Variants in TIAM2 observed in about 807,000 individuals in gnomAD.
TIAM2 encodes the protein rho guanine nucleotide exchange factor TIAM2.
Under a neutral mutation model 152.9 loss-of-function variants are expected in TIAM2, and 80 were observed. The observed-to-expected ratio is 0.52, with a 90% CI of 0.44 to 0.63. The LOEUF (loss-of-function observed/expected upper bound fraction) is 0.63, where lower values mean the gene tolerates loss of function less well. TIAM2 is among the 30% of genes least tolerant of loss of function. TIAM2 has a pLI of 0.00. For missense variants in TIAM2, 1,965 were observed against 2,120.1 expected (o/e 0.93, Z 1.44); for synonymous variants, 804 against 838.0 (o/e 0.96, Z 0.70).
At position 155,148,301 on chromosome 6, in the gene TIAM2, C is replaced by T. The variant is rs943917012; in HGVS notation, c.1995C>T (p.Ser665=). 2.5e-6 allele frequency: 4 copies of T among 1,612,090 alleles called. No individual in the cohort carries two copies. The highest frequency in any genetic ancestry group is 2.5e-6 in the Non-Finnish European group (3 of 1,179,944). ...KMAELQLSVV[S]DPKNRKAIEN... ...CAGAGCTGCAGCTGTCCGTGGTGAG[C>T]GACCCAAAGAACAGGAAAGCCATAG... Residue 665 remains serine (S), a synonymous_variant, in exon 7 of 27, where the codon AGC becomes AGT. Coordinates refer to ENST00000682666, the MANE Select transcript of TIAM2 (RefSeq NM_012454.4).
intron 14 of TIAM2, among the ~76,000 whole-genome samples, chr6:155,192,251 G>C (rs964788007): frequency 6.6e-6 from 1 of 152,120 alleles, no homozygotes; most frequent in African/African-American, 2.4e-5. Flanking sequence ...TTTCAGAACT[G>C]TAAGGTAATA....
rs771547892 is a variant in TIAM2, at chr6:155,129,696, G to T, written c.473G>T (p.Ser158Ile). 8.1e-6 allele frequency: 13 copies of T among 1,613,952 alleles called. No homozygotes were observed. In the Admixed American group the frequency reaches 8.3e-5, roughly 10 times the overall value. ...ASTPPGEDRKSPRVLIKTLGK... is the reference protein window; with the variant it reads ...ASTPPGEDRKIPRVLIKTLGK... ...ACCCCACCGGGCGAAGACCGCAAGA[G>T]CCCCCGAGTGCTCATCAAAACGCTG... Residue 158 changes from serine to isoleucine, a missense_variant, in exon 4 of 27, where the codon AGC becomes ATC. By Grantham distance (142) the Ser-to-Ile change is moderately radical (BLOSUM62 -2). Transcript: ENST00000682666. This position sits in a 1 kb window ranked among gnomAD's most constrained non-coding sequence, Gnocchi z 4.8.
In TIAM2 at chr6:155,040,715, C is replaced by T. The variant is rs1583164168; in HGVS notation, c.-209+45223C>T. Among the ~76,000 whole-genome samples the T allele has an allele frequency of 2.6e-5, 4 of 152,096 alleles. No homozygotes were observed. In the East Asian group the frequency reaches 7.7e-4, roughly 29 times the overall value. On this transcript the variant is annotated intron_variant, in intron 1 of 26. Coordinates refer to ENST00000682666, the MANE Select transcript of TIAM2 (RefSeq NM_012454.4). ...TGTATTTTCAGTAGAGATGGGGTTT[C>T]ACCGTGTTGGCCAGGCTGGTCTCAA... is the stretch of plus-strand genomic sequence containing the variant.
Position 155,222,975 on chromosome 6 carries a change from G to A in TIAM2, c.3168+11668G>A, listed in dbSNP as rs143948202. 2.4e-3 allele frequency among the ~76,000 whole-genome samples: 370 copies of A among 152,302 alleles called. 1 individual carries two copies. The highest frequency in any genetic ancestry group is 8.5e-3 in the African/African-American group (353 of 41,566). The stretch of plus-strand genomic sequence containing the variant: ...GGAGGCTTCTCAGGTAATGGTATGC[G>A]AAGGTCAGGATGGTTAGATACCGTA... On this transcript the variant is annotated intron_variant, in intron 15 of 26. Coordinates refer to ENST00000682666, the MANE Select transcript of TIAM2 (RefSeq NM_012454.4).
At chr6:155,197,389 T>C (rs1025658528) in intron 14 of TIAM2, among the ~76,000 whole-genome samples, 4 of 152,184 alleles carry the variant, frequency 2.6e-5, no homozygotes, top group Non-Finnish European at 5.9e-5. Context: ...TCATTATTAT[T>C]TTATACAAAT....
Position 155,156,484 on chromosome 6 carries a change from G to A in TIAM2, c.2029-7931G>A, listed in dbSNP as rs991857080. Among the ~76,000 whole-genome samples the A allele has an allele frequency of 2.6e-5, 4 of 151,866 alleles. No homozygotes were observed. The highest frequency in any genetic ancestry group is 6.6e-5 in the Admixed American group (1 of 15,226). The stretch of plus-strand genomic sequence containing the variant: ...AGCCTGGCCAATGTGGTGAAACCCC[G>A]TCTCTACTAAAAATACAAAAATAAT... On this transcript the variant is annotated intron_variant, in intron 7 of 26. Coordinates refer to ENST00000682666, the MANE Select transcript of TIAM2 (RefSeq NM_012454.4). This position sits in a 1 kb window ranked among gnomAD's most constrained non-coding sequence, Gnocchi z 4.4.
At chr6:155,062,845 G>A (rs1295451041) in intron 1 of TIAM2, among the ~76,000 whole-genome samples, 2 of 152,130 alleles carry the variant, frequency 1.3e-5, no homozygotes, top group Admixed American at 6.5e-5. Flanking sequence ...AAAGTGCTGG[G>A]ATTACAGGCG....
intron 1 of TIAM2, chr6:155,016,301 A>G (rs1778579338): frequency 6.6e-6 from 1 of 152,226 alleles, no homozygotes; most frequent in African/African-American, 2.4e-5. Flanking sequence ...ATAAGATGTC[A>G]CACGTCCATG....
At chr6:155,068,469 T>G (rs183558465) in intron 1 of TIAM2, among the ~76,000 whole-genome samples, 1 of 152,044 alleles carries the variant, frequency 6.6e-6, no homozygotes, top group African/African-American at 2.4e-5. Flanking sequence ...TAGAGTCTCC[T>G]CTGTTGCCCA....
chr6:155,029,380 CTATGTT>C lies in TIAM2; in HGVS notation c.-209+33889_-209+33894del, dbSNP rs1776743174. Among the ~76,000 whole-genome samples, 2 of 61,118 alleles carry C rather than the reference CTATGTT, an allele frequency of 3.3e-5. 1 individual carries two copies. Among genetic ancestry groups the C allele is most frequent in the Admixed American group, 5.4e-4 (2 of 3,678 alleles). 40.1% of individuals were successfully genotyped at this position (61,118 alleles called of 152,430 possible). A position where few individuals can be genotyped will look rare whatever the true frequency, so the allele number is the denominator to read the frequency against. ...TTATATATAATATATACTATATATA[CTATGTT>C]ATATATATACTATAGTATATATAAT... On this transcript the variant is annotated intron_variant, in intron 1 of 26. Coordinates refer to ENST00000682666, the MANE Select transcript of TIAM2 (RefSeq NM_012454.4).
rs1564920 is a variant in TIAM2 at position 155,041,679 on chromosome 6, T to G, written c.-209+46187T>G. ...CCTAAAATTCATGAACTTTATTACC[T>G]GTGAATACTTGGTAAACACTCTTTA... On this transcript the variant is annotated intron_variant, in intron 1 of 26. Transcript: ENST00000682666. Among the ~76,000 whole-genome samples the G allele has an allele frequency of 4.7e-3, 708 of 152,102 alleles. 5 individuals carry two copies. The highest frequency in any genetic ancestry group is 0.015 in the African/African-American group (626 of 41,490).
chr6:155,056,549 T>C (rs896335854), intron 1 of TIAM2, among the ~76,000 whole-genome samples: 1 of 152,154 alleles, frequency 6.6e-6, no homozygotes, highest in Admixed American at 6.5e-5. Flanking sequence ...ATCCGAGTCT[T>C]GCTCTTTTGC....
chr6:155,101,140 A>C (rs1778541063), intron 2 of TIAM2, among the ~76,000 whole-genome samples: 1 of 152,216 alleles, frequency 6.6e-6, no homozygotes, highest in Non-Finnish European at 1.5e-5. Context: ...TTTTAGAAAC[A>C]GACTTCCTAA....
chr6:155,151,214 TCGAGCTGCCTGA>T (rs1360563742), intron 7 of TIAM2, among the ~76,000 whole-genome samples: 1 of 152,192 alleles, frequency 6.6e-6, no homozygotes, highest in Non-Finnish European at 1.5e-5. Context: ...GCAGAGCAGG[TCGAGCTGCCTGA>T]GGGCTTCTCT....
chr6:155,148,535 T>TTATGACCTTTGGCGGCTC (rs1399827485), intron 7 of TIAM2, among the ~76,000 whole-genome samples: 17 of 152,236 alleles, frequency 1.1e-4, no homozygotes, highest in African/African-American at 4.1e-4. Context: ...ATGATATGCT[T>TTATGACCTTTGGCGGCTC]TATGACCTTT....
At chr6:155,136,552 G>A (rs1182730641) in intron 4 of TIAM2, among the ~76,000 whole-genome samples, 1 of 152,134 alleles carries the variant, frequency 6.6e-6, no homozygotes, top group Non-Finnish European at 1.5e-5. Flanking sequence ...AGAATTACAA[G>A]CATGAGCCAC....
intron 1 of TIAM2, among the ~76,000 whole-genome samples, chr6:155,086,934 T>G (rs1778183296): frequency 6.6e-6 from 1 of 152,174 alleles, no homozygotes; most frequent in South Asian, 2.1e-4. Context: ...GTACTTCACT[T>G]TCAAAGCAGT....
intron 6 of TIAM2, among the ~76,000 whole-genome samples, chr6:155,147,392 C>T (rs530184620): frequency 2.1e-4 from 32 of 152,254 alleles, no homozygotes; most frequent in South Asian, 1.9e-3. Flanking sequence ...CTGCAACCTC[C>T]GCCCCCTGGG....
chr6:155,180,526 A>T (rs909580281), intron 12 of TIAM2, among the ~76,000 whole-genome samples: 8 of 152,210 alleles, frequency 5.3e-5, no homozygotes, highest in African/African-American at 1.9e-4. Flanking sequence ...AGTTTATAAT[A>T]TGTTAAAATG....
Sources: gnomAD v4.1 joint callset for allele counts (sites outside exome capture counted in the v4.1 genomes callset) on GRCh38, gnomAD v4.1.1 for gene constraint, Gnocchi (gnomAD v3.1) non-coding constraint, MANE v1.5 for transcripts, NCBI Gene and HGNC (gene_info 2026-07-23, HGNC 2026-07-21) for gene names.